ZNF514: variants seen among roughly 807,000 people sequenced by gnomAD.
ZNF514 encodes the protein zinc finger protein 514.
A neutral mutation model predicts 9.7 loss-of-function variants in ZNF514; 12 were observed. That is an observed-to-expected ratio of 1.24 (90% CI 0.79 to 2.01). The LOEUF is 2.01. Ranked by LOEUF, ZNF514 falls within the 30% of genes most tolerant of loss-of-function variation. The pLI is 0.00. For synonymous variants in ZNF514, 158 were observed against 163.7 expected (o/e 0.97, Z 0.27); for missense variants, 467 against 465.5 (o/e 1.00, Z -0.03).
chr2:95,149,923 T>C lies in ZNF514; in HGVS notation c.562A>G (p.Thr188Ala). Residue 188 changes from threonine (T) to alanine (A), a missense_variant, in exon 5 of 5, where the codon ACT becomes GCT. Physicochemically the swap from Thr to Ala is moderately conservative, Grantham distance 58. Transcript: ENST00000295208. ...SYKCDTEFRQ[T>A]LGGNNSQRTH... ...CTCTGAGAGTTGTTTCCCCCTAAAGTCTGCCTGAATTCTGTATCACATTTA... is the reference window on the plus strand; with the variant it reads ...CTCTGAGAGTTGTTTCCCCCTAAAGCCTGCCTGAATTCTGTATCACATTTA... 6.2e-7 allele frequency: 1 copy of C among 1,614,224 alleles called. No individual in the cohort carries two copies. Among genetic ancestry groups the C allele is most frequent in the Non-Finnish European group, 8.5e-7 (1 of 1,180,044 alleles).
chr2:95,142,038 T>G (rs1251137001), downstream of ZNF514, among the ~76,000 whole-genome samples: 1 of 152,332 alleles, frequency 6.6e-6, no homozygotes, highest in East Asian at 1.9e-4. Flanking sequence ...TCATTTTCTA[T>G]AGACCCCTGG....
rs1252638319 is a variant in ZNF514 at position 95,145,982 on chromosome 2, G to A, written c.*3300C>T. On this transcript the variant is annotated 3_prime_UTR_variant, in exon 5 of 5. Coordinates refer to ENST00000295208, the MANE Select transcript of ZNF514 (RefSeq NM_032788.3). ...GGCACATGTTCTCAGGATCTCCTGG[G>A]GCTGTGTCAGACTTGTTTCTTATCA... Among the ~76,000 whole-genome samples the A allele has an allele frequency of 6.6e-6, 1 of 152,014 alleles. No homozygotes were observed. The highest frequency in any genetic ancestry group is 1.5e-5 in the Non-Finnish European group (1 of 67,964).
the ZNF514 span, among the ~76,000 whole-genome samples, chr2:95,131,218 G>GTGA: frequency 1.3e-5 from 2 of 152,136 alleles, no homozygotes; most frequent in Admixed American, 1.3e-4. Flanking sequence ...GTGAAATCAG[G>GTGA]AGGGCTCCTA....
At chr2:95,136,143 A>AAACTC in the ZNF514 span, among the ~76,000 whole-genome samples, 1 of 152,214 alleles carries the variant, frequency 6.6e-6, no homozygotes, top group Non-Finnish European at 1.5e-5. Context: ...CAATGTTGCT[A>AAACTC]AACTCATTTA....
chr2:95,126,553 C>T, the ZNF514 span, among the ~76,000 whole-genome samples: 1 of 151,966 alleles, frequency 6.6e-6, no homozygotes, highest in Non-Finnish European at 1.5e-5. Context: ...TTTAGCTGCT[C>T]TCATAGGTAT....
chr2:95,135,417 C>CTT, the ZNF514 span, among the ~76,000 whole-genome samples: 3 of 140,956 alleles, frequency 2.1e-5, no homozygotes, highest in African/African-American at 2.6e-5. Flanking sequence ...TTCGTTCTTT[C>CTT]TTTTTTTTTT....
Position 95,148,010 on chromosome 2 carries a change from A to T in ZNF514, c.*1272T>A, listed in dbSNP as rs1573374452. The stretch of plus-strand genomic sequence containing the variant: ...AAATTCCAAATCTATTAGCATAAAG[A>T]TGTAACAAAAATTGCTTTTTGCTCA... On this transcript the variant is annotated 3_prime_UTR_variant, in exon 5 of 5. Transcript: ENST00000295208. 6.6e-6 allele frequency: 1 copy of T among 152,218 alleles called. No homozygotes were observed. The highest frequency in any genetic ancestry group is 6.5e-5 in the Admixed American group (1 of 15,282). 9.4% of individuals were successfully genotyped at this position (152,218 alleles called of 1,614,324 possible).
In ZNF514 at chr2:95,146,981, A is replaced by G. The variant is rs1573373662; in HGVS notation, c.*2301T>C. On this transcript the variant is annotated 3_prime_UTR_variant, in exon 5 of 5. Coordinates refer to ENST00000295208, the MANE Select transcript of ZNF514 (RefSeq NM_032788.3). ...GCCCTGGCCAACCTTGTGGACTCTTAGACCCAGCCTGTCTGCATGGGCCCA... is the reference window on the plus strand; with the variant it reads ...GCCCTGGCCAACCTTGTGGACTCTTGGACCCAGCCTGTCTGCATGGGCCCA... Among the ~76,000 whole-genome samples the G allele has an allele frequency of 6.6e-6, 1 of 152,166 alleles. No homozygotes were observed. Among genetic ancestry groups the G allele is most frequent in the African/African-American group, 2.4e-5 (1 of 41,446 alleles).
Position 95,159,521 on chromosome 2 carries a change from G to C in ZNF514, c.-377C>G, listed in dbSNP as rs1673789430. On this transcript the variant is annotated 5_prime_UTR_variant, in exon 1 of 5. Coordinates refer to ENST00000295208, the MANE Select transcript of ZNF514 (RefSeq NM_032788.3). Reference sequence around the variant, plus strand: ...CGGAGGGACACACCCAGCTCTGTAAGGGGCCGGGGCGCGGGCCCAGTACAG... The same window carrying C: ...CGGAGGGACACACCCAGCTCTGTAACGGGCCGGGGCGCGGGCCCAGTACAG... 1 of 152,862 alleles carries C rather than the reference G, an allele frequency of 6.5e-6. No homozygotes were observed. The highest frequency in any genetic ancestry group is 2.4e-5 in the African/African-American group (1 of 41,414). The allele number at this position is 152,862 out of a possible 1,614,324, so 9.5% of individuals were successfully genotyped here. A position where few individuals can be genotyped will look rare whatever the true frequency, so the allele number is the denominator to read the frequency against.
At chr2:95,157,498 G>T in intron 1 of ZNF514, 59 bp from the exon 2 acceptor site, 1 of 1,030,730 alleles carries the variant, frequency 9.7e-7, no homozygotes, top group Non-Finnish European at 1.3e-6. Context: ...ACAGCTCTCA[G>T]ACTTCCCAAG....
rs749931571 is a variant in ZNF514 at position 95,149,894 on chromosome 2, G to C, written c.591C>G (p.Thr197=). 29 of 1,614,132 alleles carry C rather than the reference G, an allele frequency of 1.8e-5. No homozygotes were observed. Among genetic ancestry groups the C allele is most frequent in the Middle Eastern group, 3.3e-4 (2 of 6,062 alleles). Reference sequence around the variant, plus strand: ...ATTTACAAGATTTCTTTTCTGGGTGGGTTCTCTGAGAGTTGTTTCCCCCTA... The same window carrying C: ...ATTTACAAGATTTCTTTTCTGGGTGCGTTCTCTGAGAGTTGTTTCCCCCTA... ...QTLGGNNSQR[T]HPEKKSCKCN... is the part of the protein sequence containing the mutation. The change falls in exon 5 of 5, where the codon ACC becomes ACG. Residue 197 remains threonine, a synonymous_variant. Transcript: ENST00000295208.
At chr2:95,135,201 T>C in the ZNF514 span, among the ~76,000 whole-genome samples, 3 of 152,132 alleles carry the variant, frequency 2.0e-5, no homozygotes, top group South Asian at 4.1e-4. Flanking sequence ...ATCTTGACAA[T>C]AGTAAGTCTT....
In ZNF514 at chr2:95,149,486, C is replaced by T. The variant is rs1215682853; in HGVS notation, c.999G>A (p.Val333=). ...TCTCTCCAGTATGAAATCTGTAATG[C>T]ACAATGAGTGATGAGCTCTGGCTGA... ...RTFSQSSSLI[V]HYRFHTGEKP... The change falls in exon 5 of 5, where the codon GTG becomes GTA. Residue 333 remains valine (V), a synonymous_variant. Transcript: ENST00000295208. The T allele has an allele frequency of 2.5e-6, 4 of 1,613,684 alleles. No individual in the cohort carries two copies. Among genetic ancestry groups the T allele is most frequent in the South Asian group, 2.2e-5 (2 of 91,064 alleles).
the ZNF514 span, among the ~76,000 whole-genome samples, chr2:95,130,609 G>A: frequency 6.6e-6 from 1 of 152,310 alleles, no homozygotes; most frequent in Non-Finnish European, 1.5e-5. Context: ...CTGAGAAAAA[G>A]AATTCAGTGA....
chr2:95,159,642 CGCCACCCCGCGCCA>C lies in ZNF514; in HGVS notation c.-512_-499del, dbSNP rs1372946175. The C allele has an allele frequency of 3.4e-4, 40 of 118,420 alleles. No homozygotes were observed. Among genetic ancestry groups the C allele is most frequent in the African/African-American group, 1.1e-3 (34 of 31,480 alleles). 7.3% of individuals were successfully genotyped at this position (118,420 alleles called of 1,614,324 possible). On this transcript the variant is annotated 5_prime_UTR_variant, in exon 1 of 5. Transcript: ENST00000295208. ...CCGCCACCCCGCGCCAGCCCCCGCCCGCCACCCCGCGCCAGCCCCCGCCCGCCACCCCGCGCCAG... is the reference window on the plus strand; with the variant it reads ...CCGCCACCCCGCGCCAGCCCCCGCCCGCCCCCGCCCGCCACCCCGCGCCAG...
rs982641894 is a variant in ZNF514 at position 95,159,085 on chromosome 2, T to TG, written c.-96+154dup. 4 of 1,131,016 alleles carry TG rather than the reference T, an allele frequency of 3.5e-6. No homozygotes were observed. In the African/African-American group the frequency reaches 6.5e-5, roughly 18 times the overall value. 70.1% of individuals were successfully genotyped at this position (1,131,016 alleles called of 1,614,324 possible). A position where few individuals can be genotyped will look rare whatever the true frequency, so the allele number is the denominator to read the frequency against. On this transcript the variant is annotated intron_variant, in intron 1 of 4. Coordinates refer to ENST00000295208, the MANE Select transcript of ZNF514 (RefSeq NM_032788.3). ...AGGGTTCAGGGAGCGGGACGCAGGC[T>TG]GGGGCTGCCTGGGGGACACGGGGCA... is the stretch of plus-strand genomic sequence containing the variant.
At position 95,147,198 on chromosome 2, in the gene ZNF514, G is replaced by C. The variant is rs1474734598; in HGVS notation, c.*2084C>G. ...GAACTTTAAAGCAGAGCCTGACAAG[G>C]TTCTGAGACCCAGTAAATGTAGGGG... On this transcript the variant is annotated 3_prime_UTR_variant, in exon 5 of 5. Transcript: ENST00000295208. 1 of 152,228 alleles carries C rather than the reference G, an allele frequency of 6.6e-6. No homozygotes were observed. The highest frequency in any genetic ancestry group is 2.4e-5 in the African/African-American group (1 of 41,466). 9.4% of individuals were successfully genotyped at this position (152,228 alleles called of 1,614,324 possible).
At chr2:95,129,268 A>G in the ZNF514 span, among the ~76,000 whole-genome samples, 1 of 152,328 alleles carries the variant, frequency 6.6e-6, no homozygotes, top group East Asian at 1.9e-4. Context: ...ACGTGCAGCA[A>G]ATGAAGAAAC....
At position 95,149,939 on chromosome 2, in the gene ZNF514, A is replaced by G. The variant is rs1673486518; in HGVS notation, c.546T>C (p.Asp182=). 1 of 1,614,202 alleles carries G rather than the reference A, an allele frequency of 6.2e-7. No homozygotes were observed. Among genetic ancestry groups the G allele is most frequent in the Non-Finnish European group, 8.5e-7 (1 of 1,180,026 alleles). ...CCCCTAAAGTCTGCCTGAATTCTGT[A>G]TCACATTTATAAGATCCTTCTCCCA... The part of the protein sequence containing the change: ...ILMGEGSYKC[D]TEFRQTLGGN... The change falls in exon 5 of 5, where the codon GAT becomes GAC. Residue 182 remains aspartate, a synonymous_variant. Transcript: ENST00000295208.
Sources: gnomAD v4.1 joint callset for allele counts (sites outside exome capture counted in the v4.1 genomes callset) on GRCh38, gnomAD v4.1.1 for gene constraint, MANE v1.5 for transcripts, NCBI Gene and HGNC (gene_info 2026-07-23, HGNC 2026-07-21) for gene names.